The following MTMR1 variants were observed in gnomAD, a reference collection of about 807,000 sequenced individuals.
MTMR1 encodes myotubularin related protein 1, also known as phosphatidylinositol-3-phosphate phosphatase MTMR1.
Under a neutral mutation model 51.6 loss-of-function variants are expected in MTMR1, and 17 were observed. That is an observed-to-expected ratio of 0.33 (90% CI 0.23 to 0.49). MTMR1 has a LOEUF of 0.49. Among genes scored for constraint, MTMR1 ranks in the 20% least tolerant of loss-of-function variants. The pLI is 0.99. For missense variants in MTMR1, 386 were observed against 526.9 expected (o/e 0.73, Z 2.62); for synonymous variants, 201 against 205.6 (o/e 0.98, Z 0.19).
chrX:150,697,376 A>G (rs1557415771), intron 1 of MTMR1, among the ~76,000 whole-genome samples: 1 of 111,890 alleles, frequency 8.9e-6, no homozygotes. Flanking sequence ...GTCATTTTCC[A>G]TATTGCCTGG....
chrX:150,731,330 G>T, intron 8 of MTMR1, 140 bp from the exon 9 acceptor site: 1 of 473,517 alleles, frequency 2.1e-6, no homozygotes, highest in Non-Finnish European at 3.2e-6. Flanking sequence ...TATATATATT[G>T]ACTTTTAAGT....
chrX:150,762,513 G>C, intron 15 of MTMR1, 52 bp from the exon 16 acceptor site: 4 of 1,200,064 alleles, frequency 3.3e-6, no homozygotes, highest in Non-Finnish European at 4.5e-6. Flanking sequence ...ATGTGGAAAC[G>C]CTGTGGTAGG....
chrX:150,746,386 A>G (rs2042576270), intron 13 of MTMR1, among the ~76,000 whole-genome samples: 1 of 111,573 alleles, frequency 9.0e-6, no homozygotes, highest in African/African-American at 3.3e-5. Context: ...GTAGCAGCAA[A>G]CACACTCCAG....
intron 2 of MTMR1, among the ~76,000 whole-genome samples, chrX:150,711,302 A>G (rs1557416213): frequency 8.9e-6 from 1 of 112,362 alleles, no homozygotes; most frequent in Non-Finnish European, 1.9e-5. Flanking sequence ...ATGACTTCAA[A>G]GATTATTTTA....
chrX:150,712,216 A>T (rs2041338233), intron 2 of MTMR1, 126 bp from the exon 3 acceptor site: 2 of 536,500 alleles, frequency 3.7e-6, no homozygotes, highest in Non-Finnish European at 6.2e-6. Flanking sequence ...GTTATGATTG[A>T]TCTTGTTGGT....
rs782347609 is a variant in MTMR1 at position 150,737,376 on chromosome X, C to T, written c.1401C>T (p.Tyr467=). 4 of 1,211,571 alleles carry T rather than the reference C, an allele frequency of 3.3e-6. No homozygotes were observed. The East Asian group carries it at 8.9e-5, about 27-fold the overall frequency. ...TGGCTATGCTAATGTTGGACAGTTA[C>T]TACAGGACCATTAAAGGATTTGAAA... is the stretch of plus-strand genomic sequence containing the variant. ...TSLAMLMLDS[Y]YRTIKGFETL... The change falls in exon 12 of 16, where the codon TAC becomes TAT. Residue 467 remains tyrosine, a synonymous_variant. Coordinates refer to ENST00000445323, the MANE Select transcript of MTMR1 (RefSeq NM_001306144.3).
intron 1 of MTMR1, among the ~76,000 whole-genome samples, chrX:150,698,723 CACAA>C (rs2040792751): frequency 9.3e-6 from 1 of 107,123 alleles, no homozygotes; most frequent in Admixed American, 1.0e-4. Flanking sequence ...CACACACACA[CACAA>C]AAGCCGGGCC....
At position 150,762,301 on chromosome X, in the gene MTMR1, CTG is replaced by C. The variant is rs781874363; in HGVS notation, c.1858-261_1858-260del. On this transcript the variant is annotated intron_variant, in intron 15 of 15. Transcript: ENST00000445323. ...CCGTGCCTGCTTGTCTTCTGAGAAACTGTGGGAGCCTCCCCATGGTGCCTTTT... is the reference window on the plus strand; with the variant it reads ...CCGTGCCTGCTTGTCTTCTGAGAAACTGGGAGCCTCCCCATGGTGCCTTTT... 5.3e-5 allele frequency among the ~76,000 whole-genome samples: 6 copies of C among 112,279 alleles called. No homozygotes were observed. In the Admixed American group the frequency reaches 5.6e-4, roughly 11 times the overall value.
At chrX:150,723,848 C>G (rs182592485) in intron 4 of MTMR1, among the ~76,000 whole-genome samples, 4 of 111,744 alleles carry the variant, frequency 3.6e-5, no homozygotes, top group East Asian at 5.6e-4. Flanking sequence ...GTTTTCTGTT[C>G]CTGTGTTAGT....
Position 150,732,729 on chromosome X carries a change from A to C in MTMR1, c.1079A>C (p.Lys360Thr). ...CAAAACAGTGTCGCTGATACCAACA[A>C]GGTATATTCTTAATAGCACTGCAGA... is the stretch of plus-strand genomic sequence containing the variant. ...ARQNSVADTN[K>T]TKGGGYESES... is the part of the protein sequence containing the mutation. Residue 360 changes from lysine to threonine, a missense_variant and splice_region_variant, in exon 10 of 16, where the codon AAG (lysine) becomes ACG (threonine). Lys to Thr is a moderately conservative substitution (Grantham distance 78). Coordinates refer to ENST00000445323, the MANE Select transcript of MTMR1 (RefSeq NM_001306144.3). 8.4e-7 allele frequency: 1 copy of C among 1,191,603 alleles called. No individual in the cohort carries two copies. The highest frequency in any genetic ancestry group is 1.1e-6 in the Non-Finnish European group (1 of 882,425).
At chrX:150,762,179 G>C (rs190319803) in intron 15 of MTMR1, among the ~76,000 whole-genome samples, 2 of 113,091 alleles carry the variant, frequency 1.8e-5, no homozygotes, top group African/African-American at 6.4e-5. Flanking sequence ...CTGGAAAGGG[G>C]TCTGCGTGGA....
intron 15 of MTMR1, among the ~76,000 whole-genome samples, chrX:150,756,815 T>A (rs782468020): frequency 2.7e-5 from 3 of 111,132 alleles, no homozygotes; most frequent in Admixed American, 9.5e-5. Flanking sequence ...CATGCCTGGC[T>A]AATTTTTGTA....
intron 2 of MTMR1, among the ~76,000 whole-genome samples, chrX:150,709,843 A>G (rs2041246918): frequency 8.9e-6 from 1 of 112,089 alleles, no homozygotes; most frequent in East Asian, 2.8e-4. Flanking sequence ...ACCAAGCCCC[A>G]CCTCCAACAC....
At chrX:150,734,951 TATG>T (rs781827275) in intron 10 of MTMR1, among the ~76,000 whole-genome samples, 1 of 112,411 alleles carries the variant, frequency 8.9e-6, no homozygotes, top group South Asian at 3.7e-4. Context: ...ATGTATTAAT[TATG>T]ATGAAGCCAT....
At chrX:150,697,280 ACAGATAACCTCTGGTCTGTTTTGAT>A (rs1425568666) in intron 1 of MTMR1, among the ~76,000 whole-genome samples, 2 of 112,086 alleles carry the variant, frequency 1.8e-5, no homozygotes, top group Admixed American at 9.4e-5. Flanking sequence ...TTTCAACCAT[ACAGATAACCTCTGGTCTGTTTTGAT>A]CAGAGACTGC....
chrX:150,747,298 T>G (rs2042600402), intron 13 of MTMR1, among the ~76,000 whole-genome samples: 1 of 109,082 alleles, frequency 9.2e-6, no homozygotes, highest in African/African-American at 3.3e-5. Flanking sequence ...AAAAAAAAAA[T>G]TAAAAAATTA....
chrX:150,713,432 A>G (rs1557416289), intron 3 of MTMR1, among the ~76,000 whole-genome samples: 2 of 112,242 alleles, frequency 1.8e-5, no homozygotes, highest in African/African-American at 6.5e-5. Context: ...AAAATATAAA[A>G]GTACATTAAG....
At chrX:150,717,437 T>TTTTA (rs1350912471) in intron 3 of MTMR1, among the ~76,000 whole-genome samples, 1 of 108,761 alleles carries the variant, frequency 9.2e-6, no homozygotes. Context: ...TTTCCCAAAC[T>TTTTA]TTTATTTATT....
chrX:150,744,390 G>A lies in MTMR1; in HGVS notation c.1503G>A (p.Ala501=), dbSNP rs781874928. Residue 501 remains alanine, a synonymous_variant, in exon 13 of 16, where the codon GCG becomes GCA. Transcript: ENST00000445323. ...LRVGHGNDNH[A]DADRSPIFLQ... ...TGGGCCATGGTAATGACAACCATGC[G>A]GATGCTGACCGATCTCCCATATTTC... 5.8e-6 allele frequency: 7 copies of A among 1,211,168 alleles called. No homozygotes were observed. Among genetic ancestry groups the A allele is most frequent in the East Asian group, 5.9e-5 (2 of 33,827 alleles).
Sources: gnomAD v4.1 joint callset for allele counts (sites outside exome capture counted in the v4.1 genomes callset) on GRCh38, gnomAD v4.1.1 for gene constraint, MANE v1.5 for transcripts, NCBI Gene and HGNC (gene_info 2026-07-23, HGNC 2026-07-21) for gene names.